The following CCDC34 variants were observed in gnomAD, a reference collection of about 807,000 sequenced individuals.
CCDC34 encodes coiled-coil domain-containing protein 34.
Under a neutral mutation model 44.1 loss-of-function variants are expected in CCDC34, and 40 were observed. That is an observed-to-expected ratio of 0.91 (90% CI 0.70 to 1.18). CCDC34 has a LOEUF of 1.18. Among genes scored for constraint, CCDC34 ranks in the 50% most tolerant of loss-of-function variants. The pLI, the probability that CCDC34 is intolerant of heterozygous loss-of-function variation, is 0.00. For synonymous variants in CCDC34, 159 were observed against 158.2 expected (o/e 1.01, Z -0.04); for missense variants, 466 against 452.3 (o/e 1.03, Z -0.28).
chr11:27,361,459 G>A (rs1862663092), intron 1 of CCDC34, among the ~76,000 whole-genome samples: 1 of 152,156 alleles, frequency 6.6e-6, no homozygotes, highest in Admixed American at 6.5e-5. Context: ...AAATACCTTT[G>A]AGACCAACTC....
At chr11:27,345,156 C>G (rs78869486) in intron 3 of CCDC34, among the ~76,000 whole-genome samples, 2,322 of 152,186 alleles carry the variant, frequency 0.015, 72 homozygotes, top group African/African-American at 0.053. Context: ...TGAATCTTGA[C>G]CGTTAATGCA....
intron 2 of CCDC34, among the ~76,000 whole-genome samples, chr11:27,352,319 G>T: frequency 6.6e-6 from 1 of 151,700 alleles, no homozygotes; most frequent in East Asian, 1.9e-4. Context: ...GGAGGCAGAG[G>T]TTTCAGTGAG....
At chr11:27,355,779 G>A (rs1233900098) in intron 2 of CCDC34, among the ~76,000 whole-genome samples, 1 of 152,230 alleles carries the variant, frequency 6.6e-6, no homozygotes, top group East Asian at 1.9e-4. Flanking sequence ...GAGGAAATAA[G>A]TGCCACTCTC....
intron 3 of CCDC34, among the ~76,000 whole-genome samples, chr11:27,348,567 C>A: frequency 6.6e-6 from 1 of 152,070 alleles, no homozygotes; most frequent in South Asian, 2.1e-4. Context: ...TGCATAAATT[C>A]TTTGTGTCTG....
intron 2 of CCDC34, among the ~76,000 whole-genome samples, chr11:27,356,641 T>TA (rs1862579828): frequency 2.0e-5 from 3 of 151,636 alleles, no homozygotes; most frequent in Admixed American, 1.3e-4. Flanking sequence ...TCTGAAACAG[T>TA]AAGAGTTCAA....
At chr11:27,352,502 T>C (rs1438185549) in intron 2 of CCDC34, among the ~76,000 whole-genome samples, 1 of 152,176 alleles carries the variant, frequency 6.6e-6, no homozygotes, top group Admixed American at 6.5e-5. Context: ...TGTATGTTTA[T>C]ATGTGCATGT....
intron 2 of CCDC34, among the ~76,000 whole-genome samples, chr11:27,356,008 ATTTTTTTT>A (rs34146389): frequency 2.9e-5 from 2 of 69,482 alleles, no homozygotes; most frequent in Non-Finnish European, 5.1e-5. Flanking sequence ...TGTTCCCAGG[ATTTTTTTT>A]TTTTTTTTTT....
chr11:27,351,617 C>T (rs965496909), intron 2 of CCDC34, among the ~76,000 whole-genome samples: 4 of 152,140 alleles, frequency 2.6e-5, no homozygotes, highest in African/African-American at 9.7e-5. Context: ...CTACTATGGA[C>T]CTAGCAATAA....
chr11:27,341,563 T>A lies in CCDC34; in HGVS notation c.607-13A>T. 1 of 1,160,204 alleles carries A rather than the reference T, an allele frequency of 8.6e-7. No homozygotes were observed. The highest frequency in any genetic ancestry group is 1.2e-6 in the Non-Finnish European group (1 of 847,922). 71.9% of individuals were successfully genotyped at this position (1,160,204 alleles called of 1,614,324 possible). A position where few individuals can be genotyped will look rare whatever the true frequency, so the allele number is the denominator to read the frequency against. On this transcript the variant is annotated splice_polypyrimidine_tract_variant and intron_variant, in intron 3 of 5. Transcript: ENST00000328697. ...TTTCTTTTCTTTTCTTAAATAAAAA[T>A]AGATAAAGTTTAATTGTAATACCAG...
chr11:27,346,440 G>A (rs1270459365), intron 3 of CCDC34, among the ~76,000 whole-genome samples: 1 of 138,650 alleles, frequency 7.2e-6, no homozygotes, highest in Non-Finnish European at 1.5e-5. Flanking sequence ...GGAGGGAGGG[G>A]AGGGGAGGAA....
At chr11:27,348,587 TA>T (rs1251479592) in intron 3 of CCDC34, among the ~76,000 whole-genome samples, 5 of 152,222 alleles carry the variant, frequency 3.3e-5, no homozygotes, top group Admixed American at 6.5e-5. Context: ...GATTTTTTGA[TA>T]AAACACAGTG....
At position 27,358,195 on chromosome 11, in the gene CCDC34, C is replaced by G. The variant is rs1862606736; in HGVS notation, c.360-654G>C. ...CCTCCTACCATAGTCTCCATCTCCA[C>G]CATGCACCTCTGTCAGTCTGTCTCT... On this transcript the variant is annotated intron_variant, in intron 1 of 5. Coordinates refer to ENST00000328697, the MANE Select transcript of CCDC34 (RefSeq NM_030771.2). 1.3e-5 allele frequency among the ~76,000 whole-genome samples: 2 copies of G among 152,146 alleles called. 1 individual carries two copies. The highest frequency in any genetic ancestry group is 4.1e-4 in the South Asian group (2 of 4,824).
chr11:27,342,342 A>AATATATGTATATATATGTATATGTAAAT (rs1862373368), intron 3 of CCDC34, among the ~76,000 whole-genome samples: 5 of 132,210 alleles, frequency 3.8e-5, no homozygotes, highest in South Asian at 2.3e-4. Context: ...TTTATATATA[A>AATATATGTATATATATGTATATGTAAAT]ATATATGTAT....
At chr11:27,340,878 T>C in intron 4 of CCDC34, 41 bp from the exon 5 acceptor site, 4 of 1,585,640 alleles carry the variant, frequency 2.5e-6, no homozygotes, top group Non-Finnish European at 3.4e-6. Context: ...GGATATTCTG[T>C]AACTATACAT....
rs543945315 is a variant in CCDC34, at chr11:27,354,160, A to C, written c.498+3243T>G. Among the ~76,000 whole-genome samples, 4 of 152,366 alleles carry C rather than the reference A, an allele frequency of 2.6e-5. No homozygotes were observed. The South Asian group carries it at 8.3e-4, about 32-fold the overall frequency. On this transcript the variant is annotated intron_variant, in intron 2 of 5. Coordinates refer to ENST00000328697, the MANE Select transcript of CCDC34 (RefSeq NM_030771.2). Reference sequence around the variant, plus strand: ...GCCTATATGTTAGGATATCCCTGGCATAACTGATATGTAAGAGTCATGCTA... The same window carrying C: ...GCCTATATGTTAGGATATCCCTGGCCTAACTGATATGTAAGAGTCATGCTA...
chr11:27,356,008 ATTTTTTTTTTTT>A (rs34146389), intron 2 of CCDC34, among the ~76,000 whole-genome samples: 1 of 69,482 alleles, frequency 1.4e-5, no homozygotes, highest in Non-Finnish European at 2.6e-5. Flanking sequence ...TGTTCCCAGG[ATTTTTTTTTTTT>A]TTTTTTTTTT....
At chr11:27,345,080 G>A (rs1033626857) in intron 3 of CCDC34, among the ~76,000 whole-genome samples, 3 of 152,120 alleles carry the variant, frequency 2.0e-5, no homozygotes, top group African/African-American at 7.2e-5. Flanking sequence ...GCCAAAGGTA[G>A]TTTAATAGGG....
intron 2 of CCDC34, among the ~76,000 whole-genome samples, chr11:27,355,219 G>T (rs999452348): frequency 6.6e-6 from 1 of 152,078 alleles, no homozygotes; most frequent in Non-Finnish European, 1.5e-5. Flanking sequence ...TTTCCGAATT[G>T]TAAGTTTAAA....
At chr11:27,341,701 T>C (rs1484293353) in intron 3 of CCDC34, 151 bp from the exon 4 acceptor site, 1 of 504,388 alleles carries the variant, frequency 2.0e-6, no homozygotes, top group African/African-American at 2.0e-5. Context: ...TTTATGAAAA[T>C]ATATAACATA....
Sources: allele counts gnomAD v4.1 joint callset (sites outside exome capture counted in the v4.1 genomes callset), GRCh38; gene constraint gnomAD v4.1.1; transcripts MANE v1.5; gene names NCBI Gene and HGNC (gene_info 2026-07-23, HGNC 2026-07-21).